The following HEATR5A variants were observed in gnomAD, a reference collection of about 807,000 sequenced individuals.
The protein encoded by HEATR5A is HEAT repeat-containing protein 5A.
HEATR5A carries 178 observed loss-of-function variants against 218.8 expected under a neutral mutation model. The ratio of observed to expected loss-of-function variants is 0.81; its 90% CI spans 0.72 to 0.92. The LOEUF is 0.92. Among genes scored for constraint, HEATR5A ranks in the 40% least tolerant of loss-of-function variants. The pLI, the probability that HEATR5A is intolerant of heterozygous loss-of-function variation, is 0.00. For synonymous variants in HEATR5A, 864 were observed against 871.6 expected, an observed-to-expected ratio of 0.99 and a Z score of 0.15; for missense variants, 2,420 against 2,418.9, an observed-to-expected ratio of 1.00 and a Z score of -0.01.
intron 22 of HEATR5A, 68 bp downstream of exon 22, chr14:31,337,408 G>A (rs41304355): frequency 7.6e-7 from 1 of 1,310,440 alleles, no homozygotes; most frequent in African/African-American, 1.5e-5. Context: ...CAAAACTCAT[G>A]TATATATGGA....
chr14:31,325,504 G>A (rs968081117), intron 23 of HEATR5A, among the ~76,000 whole-genome samples: 8 of 151,802 alleles, frequency 5.3e-5, no homozygotes, highest in African/African-American at 1.9e-4. Flanking sequence ...ATGTATGTAT[G>A]TATGTATGTA....
chr14:31,312,414 CTTT>C (rs1252761450), intron 28 of HEATR5A, among the ~76,000 whole-genome samples: 4 of 137,556 alleles, frequency 2.9e-5, no homozygotes, highest in Non-Finnish European at 4.8e-5. Context: ...TGGGTGTGTC[CTTT>C]TTTTTTTTTT....
chr14:31,326,444 A>G, intron 22 of HEATR5A, 102 bp from the exon 23 acceptor site: 1 of 833,034 alleles, frequency 1.2e-6, no homozygotes, highest in Middle Eastern at 2.8e-4. Context: ...ATAAAAATAC[A>G]TCTTAAAGAA....
At chr14:31,380,604 A>G in intron 10 of HEATR5A, 26 bp from the exon 11 acceptor site, 1 of 1,410,210 alleles carries the variant, frequency 7.1e-7, no homozygotes, top group Non-Finnish European at 9.8e-7. Flanking sequence ...ACAAGTTTTA[A>G]AAAAAGCATA....
At chr14:31,293,856 TTGAGAC>T in intron 35 of HEATR5A, 29 bp downstream of exon 35, 1 of 1,510,086 alleles carries the variant, frequency 6.6e-7, no homozygotes, top group African/African-American at 1.4e-5. Context: ...CTGATTTTTG[TTGAGAC>T]TGAGTATGAA....
intron 25 of HEATR5A, among the ~76,000 whole-genome samples, chr14:31,320,011 C>T (rs1410718762): frequency 6.6e-6 from 1 of 152,040 alleles, no homozygotes; most frequent in African/African-American, 2.4e-5. Context: ...GTCTCAAAAA[C>T]AACAACAACA....
intron 32 of HEATR5A, among the ~76,000 whole-genome samples, chr14:31,303,977 AGGAG>A (rs760153635): frequency 1.6e-3 from 247 of 152,184 alleles, no homozygotes; most frequent in Middle Eastern, 6.8e-3. Flanking sequence ...ATGTCAAGGA[AGGAG>A]GATCACTTGA....
chr14:31,357,897 G>A (rs1001930123), intron 16 of HEATR5A, among the ~76,000 whole-genome samples: 15 of 152,158 alleles, frequency 9.9e-5, no homozygotes, highest in African/African-American at 3.1e-4. Flanking sequence ...AGTGGGCCAC[G>A]GACTGGTACT....
chr14:31,358,635 A>G lies in HEATR5A; in HGVS notation c.2411+2T>C, dbSNP rs1167082083. On this transcript the variant is annotated splice_donor_variant, in intron 16 of 35. Coordinates refer to ENST00000543095, the MANE Select transcript of HEATR5A (RefSeq NM_015473.4). LOFTEE classifies it high-confidence loss of function. ...ATTCACTGAACCATTGAAGATATTT[A>G]CCTTTGAGTTTCTCCCACATGAGCG... 7 of 1,611,700 alleles carry G rather than the reference A, an allele frequency of 4.3e-6. No individual in the cohort carries two copies. The highest frequency in any genetic ancestry group is 5.1e-6 in the Non-Finnish European group (6 of 1,178,912).
chr14:31,324,089 A>C (rs1364160011), intron 23 of HEATR5A, among the ~76,000 whole-genome samples: 1 of 152,312 alleles, frequency 6.6e-6, no homozygotes, highest in African/African-American at 2.4e-5. Flanking sequence ...AATATTTAAA[A>C]AAACAAACAA....
Position 31,296,054 on chromosome 14 carries a change from G to A in HEATR5A, c.5474C>T (p.Thr1825Ile). Reference protein sequence around the residue: ...ILDCWDPVDETHQELDEVSLL... With the variant: ...ILDCWDPVDEIHQELDEVSLL... ...ACTGACTTCATCAAGTTCTTGGTGT[G>A]TTTCATCAACTAAAGAGAAATGCTC... The change falls in exon 34 of 36, where the codon ACA becomes ATA. Residue 1825 changes from threonine (T) to isoleucine (I), a missense_variant. Thr to Ile is a moderately conservative substitution (Grantham distance 89, BLOSUM62 -1). Transcript: ENST00000543095. 1 of 1,612,752 alleles carries A rather than the reference G, an allele frequency of 6.2e-7. No homozygotes were observed. The highest frequency in any genetic ancestry group is 8.5e-7 in the Non-Finnish European group (1 of 1,179,046).
At chr14:31,401,171 C>T (rs1426403845) in intron 2 of HEATR5A, among the ~76,000 whole-genome samples, 4 of 152,110 alleles carry the variant, frequency 2.6e-5, no homozygotes, top group Non-Finnish European at 4.4e-5. Flanking sequence ...AATGGTTTGG[C>T]TCTGCATCCC....
chr14:31,380,837 G>C (rs962542541), intron 10 of HEATR5A, among the ~76,000 whole-genome samples: 4 of 152,182 alleles, frequency 2.6e-5, no homozygotes, highest in African/African-American at 7.2e-5. Context: ...TGACAACAAT[G>C]TAAGATTATT....
intron 16 of HEATR5A, among the ~76,000 whole-genome samples, chr14:31,354,046 G>A (rs925316041): frequency 4.6e-5 from 7 of 151,798 alleles, no homozygotes; most frequent in African/African-American, 1.7e-4. Flanking sequence ...TGATCCGCCC[G>A]CCTCGGCTTC....
At chr14:31,400,801 T>C (rs1352847836) in intron 2 of HEATR5A, among the ~76,000 whole-genome samples, 1 of 151,780 alleles carries the variant, frequency 6.6e-6, no homozygotes, top group Non-Finnish European at 1.5e-5. Context: ...ATCTTTCTTC[T>C]TTTGTTTGAA....
chr14:31,295,785 A>C, intron 34 of HEATR5A, 124 bp downstream of exon 34: 1 of 724,124 alleles, frequency 1.4e-6, no homozygotes, highest in East Asian at 2.6e-5. Context: ...ATTAATCTTA[A>C]ATCTAAAAAT....
chr14:31,315,820 C>T lies in HEATR5A; in HGVS notation c.4168G>A (p.Glu1390Lys), dbSNP rs371442856. The part of the protein sequence containing the change: ...GKEALSHLYN[E>K]SASTMEILAV... ...AAGATCTCCATGGTAGAAGCACTTT[C>T]ATTATATAAGTGACTTAGAGCTTCT... Residue 1390 changes from glutamate to lysine, a missense_variant, in exon 27 of 36, where the codon GAA (glutamate) becomes AAA (lysine). Physicochemically the swap from Glu to Lys is moderately conservative, Grantham distance 56. Transcript: ENST00000543095. The T allele has an allele frequency of 6.2e-6, 10 of 1,612,698 alleles. No homozygotes were observed. The African/African-American group carries it at 9.3e-5, about 15-fold the overall frequency.
At position 31,312,984 on chromosome 14, in the gene HEATR5A, G is replaced by A. The variant is rs1330252179; in HGVS notation, c.4425C>T (p.Ser1475=). ...ALLTLPSEFA[S]QLPAEGGAFY... ...TCTCCTTACCTTCAGCAGGAAGTTG[G>A]GAGGCAAATTCTGAAGGCAAAGTTA... The change falls in exon 28 of 36, where the codon TCC becomes TCT. Residue 1475 remains serine (S), a synonymous_variant. Coordinates refer to ENST00000543095, the MANE Select transcript of HEATR5A (RefSeq NM_015473.4). 12 of 1,612,368 alleles carry A rather than the reference G, an allele frequency of 7.4e-6. No homozygotes were observed. Among genetic ancestry groups the A allele is most frequent in the Non-Finnish European group, 1.0e-5 (12 of 1,178,506 alleles).
Position 31,309,066 on chromosome 14 carries a change from C to G in HEATR5A, c.4558G>C (p.Ala1520Pro). ...LWLTSTGFVVADPDEGASNLS... is the reference protein window; with the variant it reads ...LWLTSTGFVVPDPDEGASNLS... ...TTAGATGCTCCTTCATCTGGGTCAG[C>G]AACAACAAAACCCGTGCTTGTAAGC... is the stretch of plus-strand genomic sequence containing the variant. Residue 1520 changes from alanine to proline, a missense_variant, in exon 29 of 36, where the codon GCT becomes CCT. By Grantham distance (27) the Ala-to-Pro change is conservative. Coordinates refer to ENST00000543095, the MANE Select transcript of HEATR5A (RefSeq NM_015473.4). 6.2e-7 allele frequency: 1 copy of G among 1,613,906 alleles called. No individual in the cohort carries two copies. The highest frequency in any genetic ancestry group is 8.5e-7 in the Non-Finnish European group (1 of 1,179,868).
Sources: allele counts gnomAD v4.1 joint callset (sites outside exome capture counted in the v4.1 genomes callset), GRCh38; gene constraint gnomAD v4.1.1; transcripts MANE v1.5; gene names NCBI Gene and HGNC (gene_info 2026-07-23, HGNC 2026-07-21).